Variants in RMI1 observed in about 807,000 individuals in gnomAD.
The protein encoded by RMI1 is recQ-mediated genome instability protein 1.
Under a neutral mutation model 46.7 loss-of-function variants are expected in RMI1, and 36 were observed. The ratio of observed to expected loss-of-function variants is 0.77; its 90% confidence interval spans 0.59 to 1.02. RMI1 has a LOEUF of 1.02. Ranked by LOEUF, RMI1 falls within the 50% of genes least tolerant of loss-of-function variation. The pLI, the probability that RMI1 is intolerant of heterozygous loss-of-function variation, is 0.00. For missense variants in RMI1, 676 were observed against 713.7 expected (o/e 0.95, Z 0.60); for synonymous variants, 250 against 252.9 (o/e 0.99, Z 0.11).
intron 1 of RMI1, among the ~76,000 whole-genome samples, chr9:83,993,325 G>A (rs767639667): frequency 1.3e-5 from 2 of 152,090 alleles, no homozygotes; most frequent in Non-Finnish European, 2.9e-5. Context: ...GCATATGATA[G>A]GATTTACTTC....
chr9:83,990,278 C>T (rs1442683480), intron 1 of RMI1, among the ~76,000 whole-genome samples: 1 of 152,154 alleles, frequency 6.6e-6, no homozygotes, highest in African/African-American at 2.4e-5. Flanking sequence ...GCATGGGAGG[C>T]TGAGGTGGGC....
chr9:84,002,645 G>C lies in RMI1; in HGVS notation c.1659G>C (p.Leu553Phe). Reference protein sequence around the residue: ...VDFVDEILTSLIGFSVPEMKQ... With the variant: ...VDFVDEILTSFIGFSVPEMKQ... ...TTGTGGATGAAATACTTACTAGCTTGATAGGGTTCTCAGTACCAGAAATGA... is the reference window on the plus strand; with the variant it reads ...TTGTGGATGAAATACTTACTAGCTTCATAGGGTTCTCAGTACCAGAAATGA... Residue 553 changes from leucine to phenylalanine, a missense_variant, in exon 3 of 3, where the codon TTG becomes TTC. By Grantham distance (22) the Leu-to-Phe change is conservative (BLOSUM62 0). Coordinates refer to ENST00000445877, the MANE Select transcript of RMI1 (RefSeq NM_001358291.2). 1.2e-6 allele frequency: 2 copies of C among 1,613,932 alleles called. No homozygotes were observed. The highest frequency in any genetic ancestry group is 1.7e-6 in the Non-Finnish European group (2 of 1,179,908).
At position 83,997,441 on chromosome 9, in the gene RMI1, A is replaced by C. The variant is rs1487689277; in HGVS notation, c.-125-2268A>C. ...TTTCCCTTAATTGAAAAAAAAAAAG[A>C]AAGAAATTATTTGTTACTCCTGACT... On this transcript the variant is annotated intron_variant, in intron 1 of 2. Transcript: ENST00000445877. Among the ~76,000 whole-genome samples the C allele has an allele frequency of 4.6e-5, 7 of 151,152 alleles. No individual in the cohort carries two copies. The East Asian group carries it at 1.4e-3, about 29-fold the overall frequency.
At chr9:83,984,133 A>G (rs1402210347) in intron 1 of RMI1, among the ~76,000 whole-genome samples, 2 of 152,184 alleles carry the variant, frequency 1.3e-5, no homozygotes, top group African/African-American at 4.8e-5. Context: ...AATTTAATAT[A>G]TTCACTTAAT....
chr9:83,989,572 C>T (rs1410517362), intron 1 of RMI1, among the ~76,000 whole-genome samples: 1 of 149,588 alleles, frequency 6.7e-6, no homozygotes, highest in Non-Finnish European at 1.5e-5. Context: ...CCAACAGGTA[C>T]ATGAAAAAAT....
chr9:83,999,252 T>C (rs1050502674), intron 1 of RMI1, among the ~76,000 whole-genome samples: 6 of 152,158 alleles, frequency 3.9e-5, no homozygotes, highest in African/African-American at 1.4e-4. Context: ...GTTGCTGTAG[T>C]AGGCACTGTA....
chr9:83,997,243 C>G (rs1564083403), intron 1 of RMI1, among the ~76,000 whole-genome samples: 3 of 151,308 alleles, frequency 2.0e-5, no homozygotes, highest in Admixed American at 1.3e-4. Flanking sequence ...TCCTGAGTAG[C>G]TGGGATTACA....
upstream of RMI1, chr9:83,980,583 G>C (rs296888): frequency 6.5e-6 from 1 of 152,758 alleles, no homozygotes; most frequent in Non-Finnish European, 1.5e-5. Context: ...GGCGTCTGCA[G>C]TGCTGTCGCC....
Position 84,002,668 on chromosome 9 carries a change from T to G in RMI1, c.1682T>G (p.Met561Arg). 2 of 1,613,818 alleles carry G rather than the reference T, an allele frequency of 1.2e-6. No homozygotes were observed. The highest frequency in any genetic ancestry group is 1.7e-6 in the Non-Finnish European group (2 of 1,179,864). ...TSLIGFSVPEMKQSKKDPLQY... is the reference protein window; with the variant it reads ...TSLIGFSVPERKQSKKDPLQY... ...TTGATAGGGTTCTCAGTACCAGAAATGAAACAGTCAAAAAAGGATCCTCTT... is the reference window on the plus strand; with the variant it reads ...TTGATAGGGTTCTCAGTACCAGAAAGGAAACAGTCAAAAAAGGATCCTCTT... Residue 561 changes from methionine (M) to arginine (R), a missense_variant, in exon 3 of 3, where the codon ATG becomes AGG. Met to Arg is a moderately conservative substitution (Grantham distance 91). Coordinates refer to ENST00000445877, the MANE Select transcript of RMI1 (RefSeq NM_001358291.2).
rs1289187083 is a variant in RMI1, at chr9:84,002,215, T to C, written c.1229T>C (p.Leu410Ser). The part of the protein sequence containing the change: ...SIFSVHCNVP[L>S]AHDFTNKEKN... ...TTTTCAGTTCATTGTAATGTACCCT[T>C]AGCCCATGATTTTACAAATAAAGAA... Residue 410 changes from leucine (L) to serine (S), a missense_variant, in exon 3 of 3, where the codon TTA (leucine) becomes TCA (serine). By Grantham distance (145) the Leu-to-Ser change is moderately radical (BLOSUM62 -2). Transcript: ENST00000445877. 9.9e-6 allele frequency: 16 copies of C among 1,608,474 alleles called. No homozygotes were observed. Among genetic ancestry groups the C allele is most frequent in the Non-Finnish European group, 1.2e-5 (14 of 1,178,670 alleles).
Position 83,982,088 on chromosome 9 carries a change from A to G in RMI1, c.-126+1197A>G, listed in dbSNP as rs114251435. Among the ~76,000 whole-genome samples the G allele has an allele frequency of 3.5e-3, 528 of 152,344 alleles. 2 individuals are homozygous for G. Among genetic ancestry groups the G allele is most frequent in the African/African-American group, 0.012 (492 of 41,580 alleles). ...AAAACTTAACTCGCATTTCAGTTCT[A>G]AAACACAAAGTTCAGAATTTTATTA... On this transcript the variant is annotated intron_variant, in intron 1 of 2. Coordinates refer to ENST00000445877, the MANE Select transcript of RMI1 (RefSeq NM_001358291.2).
At chr9:83,993,249 T>C (rs943651818) in intron 1 of RMI1, among the ~76,000 whole-genome samples, 6 of 152,244 alleles carry the variant, frequency 3.9e-5, no homozygotes, top group African/African-American at 1.4e-4. Context: ...AATCATGCAG[T>C]ATTTGTCCTT....
At chr9:83,990,284 T>G (rs1957550811) in intron 1 of RMI1, among the ~76,000 whole-genome samples, 1 of 152,026 alleles carries the variant, frequency 6.6e-6, no homozygotes, top group Non-Finnish European at 1.5e-5. Flanking sequence ...GAGGCTGAGG[T>G]GGGCGGATCA....
chr9:83,992,193 C>T (rs1957584994), intron 1 of RMI1, among the ~76,000 whole-genome samples: 1 of 152,092 alleles, frequency 6.6e-6, no homozygotes, highest in African/African-American at 2.4e-5. Context: ...ATAGTGTTTG[C>T]CTTTTAGGTG....
At chr9:83,996,879 C>T (rs1283824098) in intron 1 of RMI1, among the ~76,000 whole-genome samples, 1 of 151,664 alleles carries the variant, frequency 6.6e-6, no homozygotes, top group Non-Finnish European at 1.5e-5. Context: ...AGGTGCCACA[C>T]ACTTTTTTTT....
intron 1 of RMI1, among the ~76,000 whole-genome samples, chr9:83,981,265 TG>T (rs748397035): frequency 6.6e-6 from 1 of 152,208 alleles, no homozygotes; most frequent in Non-Finnish European, 1.5e-5. Context: ...GGACCTGAGA[TG>T]GAAGTATTTT....
At chr9:83,996,796 A>C (rs1331032883) in intron 1 of RMI1, among the ~76,000 whole-genome samples, 1 of 152,106 alleles carries the variant, frequency 6.6e-6, no homozygotes, top group Non-Finnish European at 1.5e-5. Flanking sequence ...AGGAAACTTA[A>C]AATCATGGTG....
chr9:83,981,566 G>C (rs1957396778), intron 1 of RMI1, among the ~76,000 whole-genome samples: 2 of 152,082 alleles, frequency 1.3e-5, no homozygotes, highest in South Asian at 4.1e-4. Flanking sequence ...ACTTTCAATC[G>C]GTGACAGCCC....
intron 1 of RMI1, among the ~76,000 whole-genome samples, chr9:83,993,357 A>G (rs1380411197): frequency 1.3e-5 from 2 of 152,170 alleles, no homozygotes; most frequent in South Asian, 2.1e-4. Flanking sequence ...TGAACATTCC[A>G]TGGTATGTAT....
Sources: allele counts gnomAD v4.1 joint callset (sites outside exome capture counted in the v4.1 genomes callset), GRCh38; gene constraint gnomAD v4.1.1; transcripts MANE v1.5; gene names NCBI Gene and HGNC (gene_info 2026-07-23, HGNC 2026-07-21).